The following CAMTA1 variants were observed in gnomAD, a reference collection of about 807,000 sequenced individuals.
The protein encoded by CAMTA1 is calmodulin binding transcription activator 1.
CAMTA1 carries 27 observed loss-of-function variants against 170.9 expected under a neutral mutation model. The observed-to-expected ratio is 0.16, with a 90% confidence interval of 0.12 to 0.22. The LOEUF is 0.22. Ranked by LOEUF, CAMTA1 falls within the 10% of genes least tolerant of loss-of-function variation. CAMTA1 has a pLI of 1.00. For synonymous variants in CAMTA1, 833 were observed against 891.5 expected (o/e 0.93, Z 1.17); for missense variants, 1,619 against 2,217.2 (o/e 0.73, Z 5.42).
At chr1:6,983,254 A>G (rs1694739779) in intron 3 of CAMTA1, among the ~76,000 whole-genome samples, 1 of 152,172 alleles carries the variant, frequency 6.6e-6, no homozygotes, top group African/African-American at 2.4e-5. Flanking sequence ...CTTAGAAAAT[A>G]TATTCATTTT....
chr1:7,510,070 G>C (rs1055972339), intron 6 of CAMTA1, among the ~76,000 whole-genome samples: 1 of 141,218 alleles, frequency 7.1e-6, no homozygotes, highest in Non-Finnish European at 1.6e-5. Context: ...ACAAGCTCCT[G>C]ACCCAGTGAC....
chr1:7,097,703 C>T (rs929619126), intron 4 of CAMTA1, among the ~76,000 whole-genome samples: 5 of 152,224 alleles, frequency 3.3e-5, no homozygotes, highest in African/African-American at 9.6e-5. Flanking sequence ...ACACCTGCTG[C>T]AACCTGGATG....
At chr1:7,177,978 C>A (rs899187861) in intron 4 of CAMTA1, among the ~76,000 whole-genome samples, 1 of 151,970 alleles carries the variant, frequency 6.6e-6, no homozygotes, top group African/African-American at 2.4e-5. Flanking sequence ...GAACCCCCTC[C>A]CCACGCGTGG....
At chr1:6,881,348 ATTGAAGGAAGCAACACTGTGACCAC>A (rs1419933367) in intron 3 of CAMTA1, among the ~76,000 whole-genome samples, 1 of 152,172 alleles carries the variant, frequency 6.6e-6, no homozygotes, top group Non-Finnish European at 1.5e-5. Flanking sequence ...CATGAGGTGA[ATTGAAGGAAGCAACACTGTGACCAC>A]TTGAAGGAAG....
chr1:6,991,538 C>G lies in CAMTA1; in HGVS notation c.235-99766C>G, dbSNP rs116561298. ...ATCTCCCTTTGTGACATATCTGCTCCAATCTTTTGTCCATTAAACATCGTG... is the reference window on the plus strand; with the variant it reads ...ATCTCCCTTTGTGACATATCTGCTCGAATCTTTTGTCCATTAAACATCGTG... On this transcript the variant is annotated intron_variant, in intron 3 of 22. Transcript: ENST00000303635. Among the ~76,000 whole-genome samples, 757 of 152,290 alleles carry G rather than the reference C, an allele frequency of 5.0e-3. 12 individuals are homozygous for G. The highest frequency in any genetic ancestry group is 0.017 in the African/African-American group (709 of 41,542).
Position 7,455,071 on chromosome 1 carries a change from A to G in CAMTA1, c.439-12759A>G, listed in dbSNP as rs908254435. Among the ~76,000 whole-genome samples, 4 of 152,158 alleles carry G rather than the reference A, an allele frequency of 2.6e-5. No individual in the cohort carries two copies. Among genetic ancestry groups the G allele is most frequent in the African/African-American group, 9.7e-5 (4 of 41,440 alleles). ...TGCACTCAGGGCCCTGGGGGCATCCAGGGCCGGCCTGGCTGGGGCAGCGCA... is the reference window on the plus strand; with the variant it reads ...TGCACTCAGGGCCCTGGGGGCATCCGGGGCCGGCCTGGCTGGGGCAGCGCA... On this transcript the variant is annotated intron_variant, in intron 5 of 22. Transcript: ENST00000303635. This position sits in a 1 kb window ranked among gnomAD's most constrained non-coding sequence, Gnocchi z 5.0.
intron 5 of CAMTA1, among the ~76,000 whole-genome samples, chr1:7,271,733 TAGAC>T (rs1669846320): frequency 6.6e-6 from 1 of 151,954 alleles, no homozygotes; most frequent in Non-Finnish European, 1.5e-5. Context: ...GATAGATGGA[TAGAC>T]AGACAAATAA....
intron 22 of CAMTA1, among the ~76,000 whole-genome samples, chr1:7,765,319 C>G (rs2097012495): frequency 6.6e-6 from 1 of 152,194 alleles, no homozygotes; most frequent in Non-Finnish European, 1.5e-5. Flanking sequence ...GCTTCCCCAG[C>G]ACCCCATCTA....
chr1:7,339,921 T>A (rs1282861427), intron 5 of CAMTA1, among the ~76,000 whole-genome samples: 2 of 152,158 alleles, frequency 1.3e-5, no homozygotes, highest in Admixed American at 1.3e-4. Context: ...CTTCTAGGCA[T>A]CTTGATTTTC....
At position 7,251,645 on chromosome 1, in the gene CAMTA1, G is replaced by A. The variant is rs752244687; in HGVS notation, c.438+2019G>A. Among the ~76,000 whole-genome samples, 1 of 152,186 alleles carries A rather than the reference G, an allele frequency of 6.6e-6. No homozygotes were observed. The highest frequency in any genetic ancestry group is 1.5e-5 in the Non-Finnish European group (1 of 68,036). On this transcript the variant is annotated intron_variant, in intron 5 of 22. Transcript: ENST00000303635. This position sits in a 1 kb window ranked among gnomAD's most constrained non-coding sequence, Gnocchi z 5.1. ...TGCAAGGCACTATGGTGTCAGCAGA[G>A]AGAACAGGAGTCATATTCTCTGCCC...
chr1:7,104,534 A>C (rs1192488853), intron 4 of CAMTA1, among the ~76,000 whole-genome samples: 1 of 152,138 alleles, frequency 6.6e-6, no homozygotes, highest in African/African-American at 2.4e-5. Context: ...CTCTGGGGGA[A>C]CTGGATCCCC....
intron 6 of CAMTA1, among the ~76,000 whole-genome samples, chr1:7,489,873 C>T (rs1024631809): frequency 6.6e-6 from 1 of 152,190 alleles, no homozygotes; most frequent in African/African-American, 2.4e-5. Context: ...CCATGTCTGG[C>T]CCCGAGCAGA....
chr1:7,171,571 C>A (rs1395685899), intron 4 of CAMTA1, among the ~76,000 whole-genome samples: 1 of 152,172 alleles, frequency 6.6e-6, no homozygotes, highest in Non-Finnish European at 1.5e-5. Context: ...TTCTCCCCTG[C>A]CCCCAATCAA....
chr1:6,923,290 G>C (rs890711058), intron 3 of CAMTA1, among the ~76,000 whole-genome samples: 4 of 152,198 alleles, frequency 2.6e-5, no homozygotes, highest in African/African-American at 9.6e-5. Context: ...CTGAGTATCT[G>C]TGATCCAATT....
chr1:7,232,703 C>T (rs1484820814), intron 4 of CAMTA1, among the ~76,000 whole-genome samples: 1 of 152,082 alleles, frequency 6.6e-6, no homozygotes, highest in Non-Finnish European at 1.5e-5. Flanking sequence ...TTATGTAGCT[C>T]TCCCTTTGTG....
intron 4 of CAMTA1, among the ~76,000 whole-genome samples, chr1:7,238,176 C>G (rs1457334749): frequency 6.9e-6 from 1 of 145,596 alleles, no homozygotes. Context: ...TTTTTTAAAG[C>G]AAAAACATTT....
intron 5 of CAMTA1, among the ~76,000 whole-genome samples, chr1:7,310,923 G>T (rs1347339833): frequency 2.6e-5 from 4 of 151,814 alleles, no homozygotes; most frequent in Admixed American, 2.6e-4. Context: ...TAGAGATGGG[G>T]TTTTGCCATG....
At chr1:7,090,907 T>C (rs1261002991) in intron 3 of CAMTA1, among the ~76,000 whole-genome samples, 1 of 152,224 alleles carries the variant, frequency 6.6e-6, no homozygotes, top group Non-Finnish European at 1.5e-5. Flanking sequence ...AGATGAAAGA[T>C]TCGTCCAGCT....
intron 5 of CAMTA1, among the ~76,000 whole-genome samples, chr1:7,450,250 ACCAAAAG>A (rs2092790973): frequency 1.3e-5 from 2 of 152,166 alleles, no homozygotes; most frequent in African/African-American, 4.8e-5. Context: ...TGTTGTAAGG[ACCAAAAG>A]TGAGGATGGG....
Sources: allele counts gnomAD v4.1 joint callset (sites outside exome capture counted in the v4.1 genomes callset), GRCh38; gene constraint gnomAD v4.1.1; non-coding constraint Gnocchi (gnomAD v3.1); transcripts MANE v1.5; gene names NCBI Gene and HGNC (gene_info 2026-07-23, HGNC 2026-07-21).